The following WDR44 variants were observed in gnomAD, a reference collection of about 807,000 sequenced individuals.
WDR44 encodes the protein WD repeat domain 44.
In WDR44, 9 loss-of-function variants were observed where a neutral mutation model predicts 65.7. The ratio of observed to expected loss-of-function variants is 0.14; its 90% CI spans 0.08 to 0.24. The LOEUF is 0.24. WDR44 is among the 10% of genes least tolerant of loss of function. The probability of loss-of-function intolerance (pLI) is 1.00; values close to 1 mark genes in which losing one functional copy is unlikely to be tolerated. For synonymous variants in WDR44, 220 were observed against 235.2 expected (o/e 0.94, Z 0.59); for missense variants, 425 against 670.9 (o/e 0.63, Z 4.05).
chrX:118,400,037 G>A (rs891564006), intron 8 of WDR44, among the ~76,000 whole-genome samples: 5 of 110,564 alleles, frequency 4.5e-5, no homozygotes, highest in Admixed American at 1.9e-4. Context: ...GCAGTGAGCC[G>A]TGATCACACC....
intron 1 of WDR44, among the ~76,000 whole-genome samples, chrX:118,370,829 G>A (rs771284417): frequency 7.3e-5 from 8 of 109,102 alleles, no homozygotes; most frequent in South Asian, 3.9e-4. Flanking sequence ...TGATCCACCC[G>A]CCCCATCCTC....
At chrX:118,432,928 C>G (rs1403072090) in intron 13 of WDR44, 34 bp downstream of exon 13, 1 of 1,130,577 alleles carries the variant, frequency 8.8e-7, no homozygotes, top group Non-Finnish European at 1.2e-6. Flanking sequence ...TATAGTAATT[C>G]TGCGTATAAG....
At chrX:118,405,903 G>C (rs2056962636) in intron 9 of WDR44, among the ~76,000 whole-genome samples, 1 of 111,313 alleles carries the variant, frequency 9.0e-6, no homozygotes, top group South Asian at 3.8e-4. Flanking sequence ...TACTTTGAGA[G>C]GCCAAGACAG....
At chrX:118,436,968 T>A (rs1443626695) in intron 14 of WDR44, 144 bp downstream of exon 14, 1 of 543,225 alleles carries the variant, frequency 1.8e-6, no homozygotes, top group Non-Finnish European at 2.6e-6. Flanking sequence ...TTCATTTTGC[T>A]TTAGAAATGA....
At chrX:118,375,722 A>G (rs2056653878) in intron 1 of WDR44, among the ~76,000 whole-genome samples, 1 of 111,484 alleles carries the variant, frequency 9.0e-6, no homozygotes, top group Admixed American at 9.6e-5. Context: ...GGGGACCAAA[A>G]TAATTAGCAA....
At chrX:118,386,453 A>G (rs1415304019) in intron 2 of WDR44, 2 of 347,334 alleles carry the variant, frequency 5.8e-6, no homozygotes, top group Admixed American at 7.2e-5. Flanking sequence ...GTAGATATAT[A>G]TGTATTTTTG....
At chrX:118,387,488 A>G in intron 3 of WDR44, 74 bp downstream of exon 3, 2 of 769,910 alleles carry the variant, frequency 2.6e-6, no homozygotes, top group Middle Eastern at 3.7e-4. Context: ...AACAGCTTTT[A>G]TATTCTTTTA....
intron 1 of WDR44, among the ~76,000 whole-genome samples, chrX:118,356,175 T>A (rs964393440): frequency 1.8e-5 from 2 of 112,345 alleles, no homozygotes; most frequent in Non-Finnish European, 3.8e-5. Flanking sequence ...AAAGCAGTAT[T>A]TTTATGCCCT....
intron 19 of WDR44, among the ~76,000 whole-genome samples, 162 bp downstream of exon 19, chrX:118,444,656 G>T (rs958780443): frequency 1.8e-5 from 2 of 111,773 alleles, no homozygotes. Context: ...GCGCAGTGAC[G>T]CAGTCACACA....
intron 13 of WDR44, among the ~76,000 whole-genome samples, chrX:118,434,197 G>A (rs1344559907): frequency 4.5e-5 from 5 of 111,967 alleles, no homozygotes; most frequent in Non-Finnish European, 9.4e-5. Context: ...TTAGGAGGCA[G>A]CAGTAATATG....
chrX:118,394,870 A>G (rs1239209566), intron 5 of WDR44, among the ~76,000 whole-genome samples: 1 of 112,087 alleles, frequency 8.9e-6, no homozygotes, highest in Non-Finnish European at 1.9e-5. Flanking sequence ...GAGACTCTAT[A>G]TGAACAAAAA....
intron 7 of WDR44, 120 bp from the exon 8 acceptor site, chrX:118,398,257 TTAAAATTATG>T: frequency 2.3e-6 from 1 of 428,885 alleles, no homozygotes; most frequent in East Asian, 4.1e-5. Context: ...AAATAAATAA[TTAAAATTATG>T]TAAAGCTTAT....
chrX:118,379,105 T>C (rs1046145136), intron 2 of WDR44, among the ~76,000 whole-genome samples: 2 of 110,375 alleles, frequency 1.8e-5, no homozygotes, highest in Non-Finnish European at 3.8e-5. Flanking sequence ...GAAACACATG[T>C]ATACTTCTTG....
chrX:118,389,830 G>A (rs1227851843), intron 3 of WDR44, among the ~76,000 whole-genome samples: 3 of 109,701 alleles, frequency 2.7e-5, no homozygotes, highest in African/African-American at 6.6e-5. Context: ...AGCCTAGAGA[G>A]CAAAGTTAGG....
rs1000464229 is a variant in WDR44 at position 118,449,395 on chromosome X, A to AT, written c.*418dup. On this transcript the variant is annotated 3_prime_UTR_variant, in exon 20 of 20. Coordinates refer to ENST00000254029, the MANE Select transcript of WDR44 (RefSeq NM_019045.5). ...GATAGTCTTGTTTCTAGCTTAAACAATTTTTTTTTTGCACAAAATTTCATT... is the reference window on the plus strand; with the variant it reads ...GATAGTCTTGTTTCTAGCTTAAACAATTTTTTTTTTTGCACAAAATTTCATT... 1.8e-4 allele frequency: 20 copies of AT among 108,785 alleles called. No individual in the cohort carries two copies. The highest frequency in any genetic ancestry group is 4.6e-3 in the Middle Eastern group (1 of 216). 9.0% of individuals were successfully genotyped at this position (108,785 alleles called of 1,213,427 possible).
chrX:118,361,479 A>G (rs1295609996), intron 1 of WDR44, among the ~76,000 whole-genome samples: 1 of 112,471 alleles, frequency 8.9e-6, no homozygotes, highest in Non-Finnish European at 1.9e-5. Context: ...ACAGTGGCTC[A>G]TGCCTGTAAT....
chrX:118,448,328 G>C (rs1440192184), intron 19 of WDR44, among the ~76,000 whole-genome samples: 1 of 112,168 alleles, frequency 8.9e-6, no homozygotes, highest in Non-Finnish European at 1.9e-5. Flanking sequence ...GCAAATGTAA[G>C]AGGTAAGCAT....
intron 3 of WDR44, among the ~76,000 whole-genome samples, chrX:118,391,164 G>A (rs1043709110): frequency 2.7e-5 from 3 of 111,790 alleles, no homozygotes; most frequent in Admixed American, 9.6e-5. Context: ...TCACTTTATC[G>A]AAGTCTTTTT....
intron 18 of WDR44, among the ~76,000 whole-genome samples, chrX:118,444,055 C>A (rs1429303609): frequency 9.5e-6 from 1 of 105,513 alleles, no homozygotes; most frequent in Non-Finnish European, 1.9e-5. Context: ...AAAAAAAAGA[C>A]AAAAAAAAAG....
Sources: gnomAD v4.1 joint callset for allele counts (sites outside exome capture counted in the v4.1 genomes callset) on GRCh38, gnomAD v4.1.1 for gene constraint, MANE v1.5 for transcripts, NCBI Gene and HGNC (gene_info 2026-07-23, HGNC 2026-07-21) for gene names.